Variants in NPSR1 observed in about 807,000 individuals in gnomAD.
The protein encoded by NPSR1 is neuropeptide S receptor.
A neutral mutation model predicts 46.9 loss-of-function variants in NPSR1; 48 were observed. The observed-to-expected ratio is 1.02, with a 90% CI of 0.81 to 1.30. The LOEUF (loss-of-function observed/expected upper bound fraction) is 1.30. Ranked by LOEUF, NPSR1 falls within the 50% of genes most tolerant of loss-of-function variation. The pLI, the probability that NPSR1 is intolerant of heterozygous loss-of-function variation, is 0.00. For synonymous variants in NPSR1, 176 were observed against 168.1 expected (o/e 1.05, Z -0.36); for missense variants, 450 against 449.5 (o/e 1.00, Z -0.01).
intron 2 of NPSR1, among the ~76,000 whole-genome samples, chr7:34,730,221 T>C (rs1047154533): frequency 2.0e-5 from 3 of 152,184 alleles, no homozygotes; most frequent in Non-Finnish European, 4.4e-5. Flanking sequence ...AAATCAAATA[T>C]ATATAAGAAC....
rs1331047316 is a variant in NPSR1 at position 34,778,570 on chromosome 7, G to A, written c.384+5G>A. ...CGAGTGGTCCGCTATTTGCAGGTAT[G>A]TCACACCTTCCAAATGTGATGAGAC... On this transcript the variant is annotated splice_donor_5th_base_variant and intron_variant, in intron 3 of 8. Coordinates refer to ENST00000360581, the MANE Select transcript of NPSR1 (RefSeq NM_207172.2). The A allele has an allele frequency of 2.5e-6, 4 of 1,578,444 alleles. No homozygotes were observed. The African/African-American group carries it at 5.4e-5, about 21-fold the overall frequency.
chr7:34,658,420 C>A lies in NPSR1; in HGVS notation c.8C>A (p.Ala3Asp), dbSNP rs1363464526. 6.2e-7 allele frequency: 1 copy of A among 1,613,980 alleles called. No individual in the cohort carries two copies. The highest frequency in any genetic ancestry group is 1.7e-5 in the Admixed American group (1 of 60,028). Reference protein sequence around the residue: MPANFTEGSFDSS... With the variant: MPDNFTEGSFDSS... The stretch of plus-strand genomic sequence containing the variant: ...CTCAACCCCGCCTGAGCCATGCCAG[C>A]CAACTTCACAGAGGGCAGCTTCGAT... The change falls in exon 1 of 9, where the codon GCC becomes GAC. Residue 3 changes from alanine to aspartate, a missense_variant. Ala to Asp is a moderately radical substitution (Grantham distance 126). Coordinates refer to ENST00000360581, the MANE Select transcript of NPSR1 (RefSeq NM_207172.2).
intron 2 of NPSR1, chr7:34,761,341 G>C (rs1237890284): frequency 2.0e-5 from 3 of 152,156 alleles, no homozygotes; most frequent in African/African-American, 7.2e-5. Flanking sequence ...TTAGTCATTG[G>C]TAGAGGTTGT....
chr7:34,667,779 A>G (rs1056241476), intron 1 of NPSR1, among the ~76,000 whole-genome samples: 1 of 151,734 alleles, frequency 6.6e-6, no homozygotes, highest in Admixed American at 6.6e-5. Context: ...GCTTGCCCTC[A>G]TCCTTACCAG....
downstream of NPSR1, among the ~76,000 whole-genome samples, chr7:34,852,640 A>C (rs1231171695): frequency 6.6e-6 from 1 of 152,188 alleles, no homozygotes; most frequent in Non-Finnish European, 1.5e-5. Flanking sequence ...ATGCAGAGAA[A>C]TATCATTTCC....
intron 3 of NPSR1, 142 bp from the exon 4 acceptor site, chr7:34,811,628 T>C: frequency 1.8e-6 from 1 of 561,400 alleles, no homozygotes; most frequent in East Asian, 3.2e-5. Context: ...TGTAAGAGAG[T>C]TATTTCCCTT....
intron 2 of NPSR1, chr7:34,752,078 G>A (rs1231193335): frequency 4.5e-5 from 27 of 600,392 alleles, no homozygotes; most frequent in Admixed American, 1.4e-4. Context: ...AACCGGTGAC[G>A]GGGAGAAGGC....
At chr7:34,699,488 T>C (rs1348182241) in intron 2 of NPSR1, among the ~76,000 whole-genome samples, 1 of 152,158 alleles carries the variant, frequency 6.6e-6, no homozygotes, top group East Asian at 1.9e-4. Flanking sequence ...CAAAATAATA[T>C]AAACTGTGTG....
chr7:34,679,089 T>C (rs1792480947), intron 1 of NPSR1, among the ~76,000 whole-genome samples: 1 of 152,044 alleles, frequency 6.6e-6, no homozygotes, highest in South Asian at 2.1e-4. Flanking sequence ...GCATTCAATG[T>C]CTTAAATTTT....
downstream of NPSR1, among the ~76,000 whole-genome samples, chr7:34,852,367 G>A (rs1438753088): frequency 6.6e-6 from 1 of 152,058 alleles, no homozygotes; most frequent in Non-Finnish European, 1.5e-5. Context: ...AAGGAAAGAA[G>A]AACTGGTAAT....
rs1335806433 is a variant in NPSR1 at position 34,745,292 on chromosome 7, T to C, written c.281-33170T>C. On this transcript the variant is annotated intron_variant, in intron 2 of 8. Coordinates refer to ENST00000360581, the MANE Select transcript of NPSR1 (RefSeq NM_207172.2). Reference sequence around the variant, plus strand: ...TCTTTGGTCTATCTCTTTGTCTCTTTCTATTGCTTTTTGAGTAATTTATTT... The same window carrying C: ...TCTTTGGTCTATCTCTTTGTCTCTTCCTATTGCTTTTTGAGTAATTTATTT... 2.0e-5 allele frequency among the ~76,000 whole-genome samples: 3 copies of C among 152,206 alleles called. No homozygotes were observed. The East Asian group carries it at 5.8e-4, about 29-fold the overall frequency.
At chr7:34,704,963 T>G (rs1383759033) in intron 2 of NPSR1, among the ~76,000 whole-genome samples, 1 of 152,220 alleles carries the variant, frequency 6.6e-6, no homozygotes, top group Admixed American at 6.5e-5. Context: ...GAGTTCTATT[T>G]TATGTATATG....
intron 3 of NPSR1, among the ~76,000 whole-genome samples, chr7:34,796,392 A>T (rs1788171974): frequency 1.3e-5 from 2 of 152,178 alleles, no homozygotes; most frequent in African/African-American, 4.8e-5. Flanking sequence ...ATGAGAAGCA[A>T]ACCACAGACT....
chr7:34,681,993 T>C (rs1297407226), intron 1 of NPSR1, among the ~76,000 whole-genome samples: 1 of 152,188 alleles, frequency 6.6e-6, no homozygotes, highest in Non-Finnish European at 1.5e-5. Flanking sequence ...GGACAGCAGT[T>C]GACAACTAGG....
chr7:34,766,407 T>C (rs1026992728), intron 2 of NPSR1, among the ~76,000 whole-genome samples: 7 of 152,176 alleles, frequency 4.6e-5, no homozygotes, highest in Admixed American at 3.9e-4. Flanking sequence ...TACATGAATG[T>C]TTATATCAGC....
At chr7:34,678,987 G>C (rs1792476757) in intron 1 of NPSR1, among the ~76,000 whole-genome samples, 1 of 152,040 alleles carries the variant, frequency 6.6e-6, no homozygotes, top group Admixed American at 6.5e-5. Context: ...CTGGGGTTGG[G>C]GAAATAAAAT....
At chr7:34,815,991 G>C (rs1789230141) in intron 4 of NPSR1, among the ~76,000 whole-genome samples, 1 of 152,170 alleles carries the variant, frequency 6.6e-6, no homozygotes, top group South Asian at 2.1e-4. Flanking sequence ...ATTGATGCTA[G>C]GAAGAAACTG....
chr7:34,738,109 G>C (rs1459139663), intron 2 of NPSR1, among the ~76,000 whole-genome samples: 1 of 152,212 alleles, frequency 6.6e-6, no homozygotes, highest in Non-Finnish European at 1.5e-5. Context: ...GGCCAGGAGA[G>C]AGCATTTTTG....
chr7:34,869,496 T>C (rs895176126), intron 8 of NPSR1, among the ~76,000 whole-genome samples: 1 of 151,666 alleles, frequency 6.6e-6, no homozygotes, highest in African/African-American at 2.4e-5. Flanking sequence ...GTCACCTCAC[T>C]GTACTCCTCC....
Sources: allele counts gnomAD v4.1 joint callset (sites outside exome capture counted in the v4.1 genomes callset), GRCh38; gene constraint gnomAD v4.1.1; transcripts MANE v1.5; gene names NCBI Gene and HGNC (gene_info 2026-07-23, HGNC 2026-07-21).